The following ERAP1 variants were observed in gnomAD, a reference collection of about 807,000 sequenced individuals.
ERAP1 encodes the protein endoplasmic reticulum aminopeptidase 1, also known as adipocyte-derived leucine aminopeptidase.
Under a neutral mutation model 103.7 loss-of-function variants are expected in ERAP1, and 86 were observed. The observed-to-expected ratio is 0.83, with a 90% CI of 0.70 to 0.99. ERAP1 has a LOEUF of 0.99. Ranked by LOEUF, ERAP1 falls within the 50% of genes least tolerant of loss-of-function variation. ERAP1 has a pLI of 0.00. For missense variants in ERAP1, 1,009 were observed against 1,128.4 expected (o/e 0.89, Z 1.52); for synonymous variants, 398 against 402.4 (o/e 0.99, Z 0.13).
chr5:96,769,724 T>C (rs1561631377), downstream of ERAP1: 1 of 152,062 alleles, frequency 6.6e-6, no homozygotes, highest in East Asian at 1.9e-4. Context: ...CTTTGACCTA[T>C]ATCTCTGTTT....
the ERAP1 span, chr5:96,913,264 G>GTCCAT: frequency 6.9e-7 from 1 of 1,457,462 alleles, no homozygotes; most frequent in African/African-American, 1.4e-5. Context: ...TTGAGTTAAT[G>GTCCAT]TCCATGTACA....
At chr5:96,856,365 T>TATATATATATATATATATATATATAGAG in the ERAP1 span, among the ~76,000 whole-genome samples, 2 of 20,386 alleles carry the variant, frequency 9.8e-5, no homozygotes, top group Non-Finnish European at 2.2e-4. Context: ...TATATATATA[T>TATATATATATATATATATATATATAGAG]AGAGAGAGAG....
intron 2 of ERAP1, among the ~76,000 whole-genome samples, chr5:96,802,518 T>A (rs1403345229): frequency 6.6e-6 from 1 of 152,122 alleles, no homozygotes; most frequent in Non-Finnish European, 1.5e-5. Flanking sequence ...TAATATGGAA[T>A]TTGAAAAATA....
At chr5:96,903,602 T>G in the ERAP1 span, 2 of 1,526,266 alleles carry the variant, frequency 1.3e-6, no homozygotes, top group South Asian at 2.5e-5. Flanking sequence ...AATAACTGAT[T>G]CGTAACCAGA....
At chr5:96,873,596 G>T in the ERAP1 span, 1 of 396,360 alleles carries the variant, frequency 2.5e-6, no homozygotes, top group East Asian at 7.3e-5. Flanking sequence ...GTGCAGAAAA[G>T]CTGAGGAAAC....
intron 1 of ERAP1, chr5:96,804,595 C>T (rs536797094): frequency 6.5e-6 from 1 of 154,666 alleles, no homozygotes; most frequent in Admixed American, 6.3e-5. Context: ...GCTTAATTTT[C>T]CCAGTAGTTT....
chr5:96,900,953 C>T, the ERAP1 span, among the ~76,000 whole-genome samples: 74 of 152,330 alleles, frequency 4.9e-4, no homozygotes, highest in Non-Finnish European at 6.6e-4. Context: ...GCATGATCCA[C>T]GGCGCCTGGC....
At chr5:96,925,801 G>A in the ERAP1 span, among the ~76,000 whole-genome samples, 8 of 151,698 alleles carry the variant, frequency 5.3e-5, no homozygotes, top group African/African-American at 1.9e-4. Flanking sequence ...TTCTAAATAG[G>A]TTAGTGTTTA....
the ERAP1 span, among the ~76,000 whole-genome samples, chr5:96,869,138 T>G: frequency 6.6e-6 from 1 of 151,318 alleles, no homozygotes; most frequent in Non-Finnish European, 1.5e-5. Flanking sequence ...TAGATGACAC[T>G]GATTGTAATT....
the ERAP1 span, among the ~76,000 whole-genome samples, chr5:96,815,389 G>A: frequency 6.8e-6 from 1 of 146,046 alleles, no homozygotes; most frequent in Non-Finnish European, 1.5e-5. Context: ...TGTTGTTGTT[G>A]TTGTTGTTGT....
chr5:96,885,429 T>C, the ERAP1 span, among the ~76,000 whole-genome samples: 1 of 152,250 alleles, frequency 6.6e-6, no homozygotes, highest in Non-Finnish European at 1.5e-5. Context: ...GCCCTGTATA[T>C]ACTTTGACTT....
the ERAP1 span, among the ~76,000 whole-genome samples, chr5:96,828,427 T>C: frequency 1.3e-5 from 2 of 152,152 alleles, no homozygotes; most frequent in African/African-American, 4.8e-5. Context: ...AAATATTAAA[T>C]TTTCAATTAT....
chr5:96,888,613 A>G, the ERAP1 span, among the ~76,000 whole-genome samples: 8 of 152,346 alleles, frequency 5.3e-5, no homozygotes, highest in African/African-American at 1.9e-4. Flanking sequence ...TGGGTCATGA[A>G]ATAAAAGTAG....
the ERAP1 span, chr5:96,909,077 T>G: frequency 1.9e-6 from 3 of 1,614,172 alleles, no homozygotes; most frequent in Middle Eastern, 1.6e-4. Context: ...TACCACATGA[T>G]GGACAGAAGG....
In ERAP1 at chr5:96,781,184, C is replaced by G. The variant is rs1364493624; in HGVS notation, c.2462G>C (p.Ser821Thr). Residue 821 changes from serine (S) to threonine (T), a missense_variant, in exon 17 of 19, where the codon AGC becomes ACC. Ser to Thr is a moderately conservative substitution (Grantham distance 58, BLOSUM62 1). This residue lies in a region of ERAP1 where 611 missense variants were observed against 651.7 expected (regional missense o/e 0.94). Transcript: ENST00000443439. ...KEKLQWLLDE[S>T]FKGDKIKTQE... ...AGTTTTTATTTTATCTCCCTTAAAG[C>G]TTTCATCTAGTAGCCTAGAAGGATT... is the stretch of plus-strand genomic sequence containing the variant. 6.2e-7 allele frequency: 1 copy of G among 1,612,344 alleles called. No individual in the cohort carries two copies. The highest frequency in any genetic ancestry group is 8.5e-7 in the Non-Finnish European group (1 of 1,179,518).
At chr5:96,796,494 C>T (rs1384891487) in intron 4 of ERAP1, among the ~76,000 whole-genome samples, 1 of 152,190 alleles carries the variant, frequency 6.6e-6, no homozygotes, top group Non-Finnish European at 1.5e-5. Context: ...TTCCAAACTG[C>T]AGAAAGCCAT....
At chr5:96,901,709 C>T in the ERAP1 span, 831,957 of 1,603,882 alleles carry the variant, frequency 0.52, 216,995 homozygotes, top group Admixed American at 0.61. Context: ...TTAGGTCTAG[C>T]TTACCTCATC....
the ERAP1 span, chr5:96,915,678 T>C: frequency 6.6e-7 from 1 of 1,506,164 alleles, no homozygotes; most frequent in Non-Finnish European, 8.9e-7. Context: ...GTGTTTCTTT[T>C]TATTTTCAGA....
intron 18 of ERAP1, among the ~76,000 whole-genome samples, chr5:96,778,368 C>T (rs56119802): frequency 0.091 from 13,804 of 152,250 alleles, 826 homozygotes; most frequent in Middle Eastern, 0.16. Flanking sequence ...GGAAGGTGAT[C>T]TGAGCCGAGA....
Sources: allele counts gnomAD v4.1 joint callset (sites outside exome capture counted in the v4.1 genomes callset), GRCh38; gene constraint gnomAD v4.1.1; regional missense constraint gnomAD v4.1.1; transcripts MANE v1.5; gene names NCBI Gene and HGNC (gene_info 2026-07-23, HGNC 2026-07-21).